SLC45A2: variants seen among roughly 807,000 people sequenced by gnomAD.
The protein encoded by SLC45A2 is membrane-associated transporter protein.
In SLC45A2, 36 loss-of-function variants were observed where a neutral mutation model predicts 45.5. The ratio of observed to expected loss-of-function variants is 0.79; its 90% confidence interval spans 0.61 to 1.04. The LOEUF (loss-of-function observed/expected upper bound fraction) is 1.04, where lower values mean the gene tolerates loss of function less well. Among genes scored for constraint, SLC45A2 ranks in the 50% least tolerant of loss-of-function variants. The pLI, the probability that SLC45A2 is intolerant of heterozygous loss-of-function variation, is 0.00. For missense variants in SLC45A2, 719 were observed against 671.0 expected (o/e 1.07, Z -0.79); for synonymous variants, 306 against 269.3 (o/e 1.14, Z -1.33).
At chr5:33,980,507 G>A (rs1451251530) in intron 2 of SLC45A2, among the ~76,000 whole-genome samples, 1 of 152,202 alleles carries the variant, frequency 6.6e-6, no homozygotes, top group African/African-American at 2.4e-5. Flanking sequence ...TGTCAGGATC[G>A]AGATAATGTA....
At chr5:33,954,565 A>G (rs1752221170) in intron 3 of SLC45A2, 61 bp from the exon 4 acceptor site, 1 of 1,605,866 alleles carries the variant, frequency 6.2e-7, no homozygotes, top group Non-Finnish European at 8.5e-7. Flanking sequence ...CAGCTAAGGG[A>G]GCCAGAACAC....
rs770553351 is a variant in SLC45A2 at position 33,971,942 on chromosome 5, G to A, written c.563-7926C>T. On this transcript the variant is annotated intron_variant, in intron 2 of 6. Coordinates refer to ENST00000296589, the MANE Select transcript of SLC45A2 (RefSeq NM_016180.5). ...ACACCCAGTTACCCAGCTAATTTTT[G>A]TATCTTCTGTAGAGATGGGGTTTCA... 1.0e-5 allele frequency: 4 copies of A among 392,860 alleles called. No homozygotes were observed. The East Asian group carries it at 2.9e-4, about 29-fold the overall frequency. The allele number at this position is 392,860 out of a possible 1,614,324, so 24.3% of individuals were successfully genotyped here.
intron 5 of SLC45A2, among the ~76,000 whole-genome samples, chr5:33,949,833 T>C (rs1579534476): frequency 6.6e-6 from 1 of 152,182 alleles, no homozygotes; most frequent in East Asian, 1.9e-4. Flanking sequence ...TAATGGAATG[T>C]TATCTAGTAG....
intron 5 of SLC45A2, among the ~76,000 whole-genome samples, chr5:33,948,233 G>A (rs1751996461): frequency 6.6e-6 from 1 of 152,186 alleles, no homozygotes; most frequent in South Asian, 2.1e-4. Context: ...CTTCTAGCAG[G>A]TCAACTTGGC....
At chr5:33,950,829 A>G (rs1752076244) in intron 5 of SLC45A2, among the ~76,000 whole-genome samples, 2 of 152,232 alleles carry the variant, frequency 1.3e-5, no homozygotes. Context: ...GGAGAACTGC[A>G]TACATTTTTC....
chr5:33,967,649 A>G (rs945914009), intron 2 of SLC45A2, among the ~76,000 whole-genome samples: 1 of 152,220 alleles, frequency 6.6e-6, no homozygotes, highest in African/African-American at 2.4e-5. Context: ...TAGTTTGCAG[A>G]TATGAATAGG....
At position 33,976,527 on chromosome 5, in the gene SLC45A2, G is replaced by A. The variant is rs10075029; in HGVS notation, c.562+5709C>T. 1.5e-3 allele frequency among the ~76,000 whole-genome samples: 226 copies of A among 152,322 alleles called. 1 individual carries two copies. Among genetic ancestry groups the A allele is most frequent in the African/African-American group, 5.0e-3 (208 of 41,586 alleles). On this transcript the variant is annotated intron_variant, in intron 2 of 6. Transcript: ENST00000296589. ...GGTGGTAAAATGTTTTCCTCAGGGT[G>A]TGAGCCAACTTTCCCTTTGCCACCA...
In SLC45A2 at chr5:33,947,391, G is replaced by C. The variant is rs1219631299; in HGVS notation, c.1157-17C>G. 6.2e-7 allele frequency: 1 copy of C among 1,608,536 alleles called. No individual in the cohort carries two copies. Among genetic ancestry groups the C allele is most frequent in the East Asian group, 2.2e-5 (1 of 44,844 alleles). On this transcript the variant is annotated splice_polypyrimidine_tract_variant and intron_variant, in intron 5 of 6. Transcript: ENST00000296589. ...TCTGAAAGTCTGTGGGAAGAAGAGA[G>C]GGAGAAATTACAGCTGGCAGTGCCT... is the stretch of plus-strand genomic sequence containing the variant.
At chr5:33,968,097 A>G (rs1307276892) in intron 2 of SLC45A2, among the ~76,000 whole-genome samples, 4 of 152,158 alleles carry the variant, frequency 2.6e-5, no homozygotes, top group Admixed American at 2.6e-4. Flanking sequence ...GAATTATCCT[A>G]ACAGAATATT....
intron 2 of SLC45A2, among the ~76,000 whole-genome samples, chr5:33,977,499 T>C (rs1752962759): frequency 6.6e-6 from 1 of 152,178 alleles, no homozygotes; most frequent in South Asian, 2.1e-4. Flanking sequence ...ACCTGCAGTT[T>C]CGAAGAGAAT....
intron 2 of SLC45A2, among the ~76,000 whole-genome samples, chr5:33,978,677 C>T (rs1034423007): frequency 6.6e-6 from 1 of 152,212 alleles, no homozygotes; most frequent in Non-Finnish European, 1.5e-5. Flanking sequence ...GGTGCCCCAA[C>T]TTTCTGGGCC....
intron 3 of SLC45A2, among the ~76,000 whole-genome samples, chr5:33,958,872 G>A (rs773118558): frequency 7.2e-5 from 11 of 152,164 alleles, no homozygotes; most frequent in South Asian, 4.1e-4. Context: ...TGGATGGGAC[G>A]ACCCCTGTCC....
intron 2 of SLC45A2, among the ~76,000 whole-genome samples, chr5:33,973,908 T>C (rs1752854103): frequency 7.2e-6 from 1 of 139,594 alleles, no homozygotes; most frequent in South Asian, 2.2e-4. Context: ...TGCAAGCCTG[T>C]GAAGGAATGA....
At chr5:33,951,289 T>C in intron 5 of SLC45A2, 1 of 875,980 alleles carries the variant, frequency 1.1e-6, no homozygotes, top group Non-Finnish European at 1.6e-6. Context: ...TTGTAAAGAT[T>C]CCCTTTCATT....
At chr5:33,958,302 C>T (rs1752337070) in intron 3 of SLC45A2, among the ~76,000 whole-genome samples, 1 of 152,156 alleles carries the variant, frequency 6.6e-6, no homozygotes, top group Non-Finnish European at 1.5e-5. Flanking sequence ...TTAAATTACA[C>T]AGCCACCCTT....
Position 33,959,343 on chromosome 5 carries a change from C to T in SLC45A2, c.888+4348G>A, listed in dbSNP as rs565822450. Among the ~76,000 whole-genome samples the T allele has an allele frequency of 6.2e-4, 95 of 152,258 alleles. 1 individual carries two copies. Among genetic ancestry groups the T allele is most frequent in the African/African-American group, 2.2e-3 (92 of 41,548 alleles). On this transcript the variant is annotated intron_variant, in intron 3 of 6. Transcript: ENST00000296589. ...ATATAGATATTCCGTGATTCTTTGG[C>T]TGTCCTGCATAAATGCACAGAGGGC... is the stretch of plus-strand genomic sequence containing the variant.
chr5:33,960,379 A>G (rs1752415282), intron 3 of SLC45A2, among the ~76,000 whole-genome samples: 1 of 151,880 alleles, frequency 6.6e-6, no homozygotes. Flanking sequence ...GTGCTGCTGT[A>G]AACGTGTGTG....
chr5:33,960,780 G>C (rs576732078), intron 3 of SLC45A2, among the ~76,000 whole-genome samples: 1 of 152,184 alleles, frequency 6.6e-6, no homozygotes, highest in African/African-American at 2.4e-5. Context: ...TTTAAAAAAA[G>C]GGCATTAGTA....
rs913536993 is a variant in SLC45A2 at position 33,984,187 on chromosome 5, C to T, written c.385+12G>A. ...CATATCCCTGTCTGCCCACCTTGTGCAGCCCACTTACCTGCTACAACAGTA... is the reference window on the plus strand; with the variant it reads ...CATATCCCTGTCTGCCCACCTTGTGTAGCCCACTTACCTGCTACAACAGTA... On this transcript the variant is annotated intron_variant, in intron 1 of 6. Coordinates refer to ENST00000296589, the MANE Select transcript of SLC45A2 (RefSeq NM_016180.5). 2.5e-6 allele frequency: 4 copies of T among 1,613,738 alleles called. No individual in the cohort carries two copies. The highest frequency in any genetic ancestry group is 1.7e-5 in the Admixed American group (1 of 60,020).
Sources: gnomAD v4.1 joint callset for allele counts (sites outside exome capture counted in the v4.1 genomes callset) on GRCh38, gnomAD v4.1.1 for gene constraint, MANE v1.5 for transcripts, NCBI Gene and HGNC (gene_info 2026-07-23, HGNC 2026-07-21) for gene names.